ANO2: variants seen among roughly 807,000 people sequenced by gnomAD.
ANO2 encodes the protein anoctamin-2.
In ANO2, 101 loss-of-function variants were observed where a neutral mutation model predicts 124.2. The ratio of observed to expected loss-of-function variants is 0.81; its 90% CI spans 0.69 to 0.96. The LOEUF (loss-of-function observed/expected upper bound fraction) is 0.96. ANO2 is among the 40% of genes least tolerant of loss of function. The pLI is 0.00. For synonymous variants in ANO2, 486 were observed against 482.5 expected (o/e 1.01, Z -0.09); for missense variants, 1,293 against 1,274.5 (o/e 1.01, Z -0.22).
At chr12:5,815,196 C>T (rs1395057551) in intron 7 of ANO2, among the ~76,000 whole-genome samples, 1 of 152,164 alleles carries the variant, frequency 6.6e-6, no homozygotes, top group Non-Finnish European at 1.5e-5. Flanking sequence ...CAGCAGAATC[C>T]TTCAGACCTC....
chr12:5,589,673 C>T (rs1460461332), intron 20 of ANO2, among the ~76,000 whole-genome samples: 1 of 152,068 alleles, frequency 6.6e-6, no homozygotes, highest in Non-Finnish European at 1.5e-5. Flanking sequence ...TAGGAGACAG[C>T]TTGTCTGAAA....
chr12:5,798,523 G>C (rs1171865225), intron 10 of ANO2, among the ~76,000 whole-genome samples: 1 of 152,184 alleles, frequency 6.6e-6, no homozygotes, highest in East Asian at 1.9e-4. Context: ...CAACCAGCCA[G>C]GAACACGCTC....
chr12:5,577,488 C>A (rs761791502), intron 22 of ANO2, among the ~76,000 whole-genome samples: 23 of 152,194 alleles, frequency 1.5e-4, no homozygotes, highest in Non-Finnish European at 2.9e-4. Context: ...TCTTCTATGT[C>A]CTATCTTAAC....
chr12:5,723,440 T>C (rs1403648227), intron 14 of ANO2, among the ~76,000 whole-genome samples: 2 of 152,108 alleles, frequency 1.3e-5, no homozygotes, highest in Non-Finnish European at 2.9e-5. Context: ...CCTAAGGAGA[T>C]CCACATCCTA....
At chr12:5,566,791 G>A (rs1415213086) in intron 23 of ANO2, among the ~76,000 whole-genome samples, 3 of 152,214 alleles carry the variant, frequency 2.0e-5, no homozygotes, top group Admixed American at 2.0e-4. Context: ...CTCGTGACCA[G>A]TAAAGGTGGA....
At chr12:5,583,823 G>A in intron 20 of ANO2, 1 of 181,884 alleles carries the variant, frequency 5.5e-6, no homozygotes. Context: ...AGACACTGAA[G>A]TGACTTCAGA....
At chr12:5,853,268 C>T (rs1213434743) in intron 4 of ANO2, among the ~76,000 whole-genome samples, 2 of 149,334 alleles carry the variant, frequency 1.3e-5, no homozygotes, top group Admixed American at 6.7e-5. Flanking sequence ...CAACAAAGTG[C>T]TGGGATTACA....
chr12:5,711,783 T>C (rs181739331), intron 14 of ANO2, among the ~76,000 whole-genome samples: 160 of 152,348 alleles, frequency 1.1e-3, no homozygotes, highest in African/African-American at 3.7e-3. Flanking sequence ...GAATGTAGAT[T>C]AACGAGTTTG....
Position 5,768,277 on chromosome 12 carries a change from T to G in ANO2, c.1056-17307A>C, listed in dbSNP as rs75642745. Among the ~76,000 whole-genome samples, 600 of 152,256 alleles carry G rather than the reference T, an allele frequency of 3.9e-3. 2 individuals are homozygous for G. The highest frequency in any genetic ancestry group is 0.01 in the Admixed American group (159 of 15,302). ...CCTCAACCCTCCCCTTCTCTTCCTC[T>G]CCTTCTGAGGATCTTCCCTCATTGG... On this transcript the variant is annotated intron_variant, in intron 10 of 24. Coordinates refer to ENST00000682330, the MANE Select transcript of ANO2 (RefSeq NM_001364791.2).
At position 5,599,590 on chromosome 12, in the gene ANO2, G is replaced by C. The variant is rs563913804; in HGVS notation, c.2127C>G (p.Thr709=). 3.1e-6 allele frequency: 5 copies of C among 1,613,590 alleles called. No individual in the cohort carries two copies. In the African/African-American group the frequency reaches 6.7e-5, roughly 22 times the overall value. ...GGGCAGAGTCAGTTTCTCCAGCTTC[G>C]GTCTCATCTTTCAGCTTTCGAAATA... ...KKLFRKLKDE[T]EAGETDSAHS... The change falls in exon 20 of 25, where the codon ACC becomes ACG. Residue 709 remains threonine (T), a synonymous_variant. Transcript: ENST00000682330.
At chr12:5,824,037 T>C (rs1953885448) in intron 7 of ANO2, among the ~76,000 whole-genome samples, 1 of 152,200 alleles carries the variant, frequency 6.6e-6, no homozygotes, top group South Asian at 2.1e-4. Flanking sequence ...GTCCCTAGGC[T>C]GCACACAACA....
intron 3 of ANO2, among the ~76,000 whole-genome samples, chr12:5,893,092 C>G (rs1939520835): frequency 2.6e-5 from 4 of 152,078 alleles, no homozygotes; most frequent in Admixed American, 2.6e-4. Context: ...ATCCAAAAAT[C>G]AACTCAAGAT....
intron 3 of ANO2, among the ~76,000 whole-genome samples, 190 bp from the exon 4 acceptor site, chr12:5,854,331 G>A (rs1395868149): frequency 8.0e-6 from 1 of 125,710 alleles, no homozygotes; most frequent in Non-Finnish European, 1.6e-5. Flanking sequence ...TTCCAAAAAT[G>A]TTCTCATCGA....
At chr12:5,671,912 C>T (rs1305187409) in intron 14 of ANO2, among the ~76,000 whole-genome samples, 1 of 152,184 alleles carries the variant, frequency 6.6e-6, no homozygotes, top group African/African-American at 2.4e-5. Context: ...CTTGGCCAAA[C>T]CAGAATACAC....
intron 10 of ANO2, among the ~76,000 whole-genome samples, chr12:5,764,760 T>C (rs530703950): frequency 1.6e-4 from 23 of 143,030 alleles, no homozygotes; most frequent in African/African-American, 5.5e-4. Flanking sequence ...CAGCATCTCA[T>C]CTGAGGCATT....
At chr12:5,780,474 C>T (rs534763630) in intron 10 of ANO2, among the ~76,000 whole-genome samples, 60 of 152,316 alleles carry the variant, frequency 3.9e-4, no homozygotes, top group African/African-American at 1.2e-3. Context: ...CAAACAGCAA[C>T]GTCTGATTTC....
chr12:5,924,029 T>C (rs1941962716), intron 1 of ANO2, among the ~76,000 whole-genome samples: 2 of 152,246 alleles, frequency 1.3e-5, no homozygotes, highest in South Asian at 4.1e-4. Flanking sequence ...CCTGACGGCA[T>C]GTGATCAAAG....
At chr12:5,757,240 A>G (rs181221735) in intron 10 of ANO2, among the ~76,000 whole-genome samples, 1 of 152,036 alleles carries the variant, frequency 6.6e-6, no homozygotes, top group Non-Finnish European at 1.5e-5. Flanking sequence ...ATGTCACTGT[A>G]TTTCTTTATT....
At chr12:5,656,585 C>G (rs191607862) in intron 14 of ANO2, among the ~76,000 whole-genome samples, 207 of 152,304 alleles carry the variant, frequency 1.4e-3, no homozygotes, top group African/African-American at 4.8e-3. Flanking sequence ...CATTCCCCAC[C>G]CACTGTACCT....
Sources: allele counts gnomAD v4.1 joint callset (sites outside exome capture counted in the v4.1 genomes callset), GRCh38; gene constraint gnomAD v4.1.1; transcripts MANE v1.5; gene names NCBI Gene and HGNC (gene_info 2026-07-23, HGNC 2026-07-21).